The following GATA5 variants were observed in gnomAD, a reference collection of about 807,000 sequenced individuals.
The protein encoded by GATA5 is GATA binding protein 5.
Under a neutral mutation model 35.0 loss-of-function variants are expected in GATA5, and 27 were observed. The observed-to-expected ratio is 0.77, with a 90% CI of 0.57 to 1.06. The LOEUF (loss-of-function observed/expected upper bound fraction) is 1.06. Among genes scored for constraint, GATA5 ranks in the 50% least tolerant of loss-of-function variants. The probability of loss-of-function intolerance (pLI) is 0.00; values close to 1 mark genes in which losing one functional copy is unlikely to be tolerated. For missense variants in GATA5, 612 were observed against 580.0 expected, an observed-to-expected ratio of 1.06 and a Z score of -0.57; for synonymous variants, 306 against 267.8, an observed-to-expected ratio of 1.14 and a Z score of -1.39.
intron 2 of GATA5, among the ~76,000 whole-genome samples, chr20:62,474,513 T>C (rs1414681774): frequency 6.6e-5 from 10 of 151,984 alleles, no homozygotes; most frequent in Non-Finnish European, 1.0e-4. Flanking sequence ...CGCCAGAAAG[T>C]GACTACGCTG....
rs782240636 is a variant in GATA5, at chr20:62,475,105, G to T, written c.417C>A (p.Ser139=). 3.6e-6 allele frequency: 5 copies of T among 1,395,786 alleles called. No homozygotes were observed. Among genetic ancestry groups the T allele is most frequent in the Non-Finnish European group, 4.7e-6 (5 of 1,071,762 alleles). 86.5% of individuals were successfully genotyped at this position (1,395,786 alleles called of 1,614,324 possible). Residue 139 remains serine (S), a synonymous_variant, in exon 2 of 7, where the codon TCC becomes TCA. Transcript: ENST00000252997. ...PLGRPVGTSY[S]ATYPAYVSPD... ...GGCTCACGTAGGCCGGGTAGGTGGC[G>T]GAGTACGAGGTCCCCACCGGCCGCC...
At chr20:62,466,344 C>T (rs782629523) in intron 4 of GATA5, 82 bp downstream of exon 4, 20 of 1,437,904 alleles carry the variant, frequency 1.4e-5, no homozygotes, top group African/African-American at 4.2e-5. Flanking sequence ...TCCTCCCCAG[C>T]CTCTTGGTCT....
chr20:62,473,629 T>G, intron 2 of GATA5, 51 bp from the exon 3 acceptor site: 33 of 1,503,556 alleles, frequency 2.2e-5, no homozygotes, highest in Non-Finnish European at 2.8e-5. Flanking sequence ...CCCAGGATCC[T>G]CCCCAGCTCA....
At position 62,465,826 on chromosome 20, in the gene GATA5, C is replaced by A; in HGVS notation, c.913+8G>T. ...GAGCGGGGCTGACTGCAGGGCCTGGCCACGCACCTGAGGAGCCCCTGGCCT... is the reference window on the plus strand; with the variant it reads ...GAGCGGGGCTGACTGCAGGGCCTGGACACGCACCTGAGGAGCCCCTGGCCT... On this transcript the variant is annotated splice_region_variant and intron_variant, in intron 5 of 6. Coordinates refer to ENST00000252997, the MANE Select transcript of GATA5 (RefSeq NM_080473.5). 1 of 1,574,084 alleles carries A rather than the reference C, an allele frequency of 6.4e-7. No individual in the cohort carries two copies. The highest frequency in any genetic ancestry group is 1.2e-5 in the South Asian group (1 of 85,976).
chr20:62,473,427 C>G lies in GATA5; in HGVS notation c.675G>C (p.Pro225=), dbSNP rs144082730. 3 of 1,609,340 alleles carry G rather than the reference C, an allele frequency of 1.9e-6. No homozygotes were observed. The Admixed American group carries it at 5.0e-5, about 27-fold the overall frequency. The change falls in exon 3 of 7, where the codon CCG becomes CCC. Residue 225 remains proline, a synonymous_variant. Transcript: ENST00000252997. ...LYHKMNGVNR[P]LVRPQKRLSS... is the part of the protein sequence containing the mutation. ...CCAGGCGCTTCTGAGGCCGAACGAG[C>G]GGCCGGTTGACGCCATTCATCTTGT...
At chr20:62,465,138 C>T in intron 6 of GATA5, 147 bp from the exon 7 acceptor site, 2 of 894,086 alleles carry the variant, frequency 2.2e-6, no homozygotes, top group Non-Finnish European at 1.7e-6. Context: ...ATGGGGGACC[C>T]CACGTGAGGC....
intron 2 of GATA5, among the ~76,000 whole-genome samples, chr20:62,473,880 C>T (rs1476085055): frequency 1.3e-5 from 2 of 152,200 alleles, no homozygotes; most frequent in African/African-American, 4.8e-5. Context: ...GGACCGGGGG[C>T]CAGCACTGGC....
Position 62,465,874 on chromosome 20 carries a change from C to T in GATA5, c.873G>A (p.Lys291=), listed in dbSNP as rs1555896030. The change falls in exon 5 of 7, where the codon AAG becomes AAA. Residue 291 remains lysine (K), a synonymous_variant. Coordinates refer to ENST00000252997, the MANE Select transcript of GATA5 (RefSeq NM_080473.5). The stretch of plus-strand genomic sequence containing the variant: ...CCTTGGCGATGGTCTTTGGCTTCCG[C>T]TTCCGTGTCTGGATGCTTTCCTTCT... ...AMKKESIQTR[K]RKPKTIAKAR... 3 of 1,598,514 alleles carry T rather than the reference C, an allele frequency of 1.9e-6. No homozygotes were observed. The highest frequency in any genetic ancestry group is 2.3e-5 in the South Asian group (2 of 88,140).
rs142326105 is a variant in GATA5, at chr20:62,473,235, G to A, written c.699+168C>T. Among the ~76,000 whole-genome samples the A allele has an allele frequency of 6.1e-3, 930 of 152,364 alleles. 2 individuals are homozygous for A. The highest frequency in any genetic ancestry group is 0.01 in the Middle Eastern group (3 of 294). On this transcript the variant is annotated intron_variant, in intron 3 of 6. Transcript: ENST00000252997. Reference sequence around the variant, plus strand: ...CTGCCCTGCCCTGAGCGCTCTCAAAGAAGACCTGAGCCGGCCTGACCTGAC... The same window carrying A: ...CTGCCCTGCCCTGAGCGCTCTCAAAAAAGACCTGAGCCGGCCTGACCTGAC...
chr20:62,468,882 A>G (rs1555896322), intron 3 of GATA5, among the ~76,000 whole-genome samples: 1 of 152,236 alleles, frequency 6.6e-6, no homozygotes, highest in African/African-American at 2.4e-5. Flanking sequence ...CCCTTCGTGC[A>G]GGAGCAATTG....
In GATA5 at chr20:62,475,246, G is replaced by A. The variant is rs1555897012; in HGVS notation, c.276C>T (p.Ala92=). The A allele has an allele frequency of 2.3e-5, 29 of 1,247,232 alleles. No individual in the cohort carries two copies. Among genetic ancestry groups the A allele is most frequent in the Admixed American group, 1.3e-4 (3 of 23,698 alleles). The allele number at this position is 1,247,232 out of a possible 1,614,324, so 77.3% of individuals were successfully genotyped here. A position where few individuals can be genotyped will look rare whatever the true frequency, so the allele number is the denominator to read the frequency against. The change falls in exon 2 of 7, where the codon GCC becomes GCT. Residue 92 remains alanine, a synonymous_variant. Coordinates refer to ENST00000252997, the MANE Select transcript of GATA5 (RefSeq NM_080473.5). ...PPAAHPPGAT[A]FPFAHSPSGP... is the part of the protein sequence containing the mutation. ...CCGAGGGGCTGTGCGCGAAAGGGAA[G>A]GCGGTGGCCCCGGGCGGGTGCGCGG... is the stretch of plus-strand genomic sequence containing the variant.
At chr20:62,473,612 T>C in intron 2 of GATA5, 34 bp from the exon 3 acceptor site, 1 of 1,551,830 alleles carries the variant, frequency 6.4e-7, no homozygotes, top group South Asian at 1.2e-5. Flanking sequence ...GCCCGGGCCC[T>C]CCCCTCCCCA....
In GATA5 at chr20:62,475,035, C is replaced by G; in HGVS notation, c.487G>C (p.Val163Leu). The G allele has an allele frequency of 7.2e-7, 1 of 1,398,050 alleles. No individual in the cohort carries two copies. The highest frequency in any genetic ancestry group is 9.3e-7 in the Non-Finnish European group (1 of 1,070,700). 86.6% of individuals were successfully genotyped at this position (1,398,050 alleles called of 1,614,324 possible). A position where few individuals can be genotyped will look rare whatever the true frequency, so the allele number is the denominator to read the frequency against. The change falls in exon 2 of 7, where the codon GTC (valine) becomes CTC (leucine). Residue 163 changes from valine to leucine, a missense_variant. Transcript: ENST00000252997. ...SWTAGPFDGSVLHGLPGRRPT... is the reference protein window; with the variant it reads ...SWTAGPFDGSLLHGLPGRRPT... Reference sequence around the variant, plus strand: ...CTGCGGCCTGGGAGGCCGTGCAGGACGCTGCCATCGAAGGGCCCGGCAGTC... The same window carrying G: ...CTGCGGCCTGGGAGGCCGTGCAGGAGGCTGCCATCGAAGGGCCCGGCAGTC...
In GATA5 at chr20:62,470,052, C is replaced by T. The variant is rs1304637882; in HGVS notation, c.699+3351G>A. ...CCAGGCCTCTCTCCCGGCTGCATTT[C>T]GTTTTTCTTTTTTGTCGGTTCTTTT... On this transcript the variant is annotated intron_variant, in intron 3 of 6. Coordinates refer to ENST00000252997, the MANE Select transcript of GATA5 (RefSeq NM_080473.5). This position sits in a 1 kb window ranked among gnomAD's most constrained non-coding sequence, Gnocchi z 4.6. Among the ~76,000 whole-genome samples the T allele has an allele frequency of 6.6e-6, 1 of 152,262 alleles. No homozygotes were observed. The highest frequency in any genetic ancestry group is 2.4e-5 in the African/African-American group (1 of 41,466).
At position 62,464,875 on chromosome 20, in the gene GATA5, A is replaced by AG; in HGVS notation, c.1154dup (p.Leu386SerfsTer31). ...GCGCACACCAGGCCTCTTGGCGCAG[A>AG]GCCCCCCTGAGGCCAGCCTGGGGGC... On this transcript the variant is annotated frameshift_variant, in exon 7 of 7. Coordinates refer to ENST00000252997, the MANE Select transcript of GATA5 (RefSeq NM_080473.5). LOFTEE classifies it high-confidence loss of function. 2.5e-6 allele frequency: 4 copies of AG among 1,609,530 alleles called. No individual in the cohort carries two copies. Among genetic ancestry groups the AG allele is most frequent in the Non-Finnish European group, 3.4e-6 (4 of 1,178,162 alleles).
chr20:62,469,130 C>G (rs1555896341), intron 3 of GATA5, among the ~76,000 whole-genome samples: 1 of 152,222 alleles, frequency 6.6e-6, no homozygotes, highest in Non-Finnish European at 1.5e-5. Context: ...CGTCTGTCTT[C>G]CTGAAGTGGA....
chr20:62,475,362 G>A lies in GATA5; in HGVS notation c.160C>T (p.Gln54Ter). 7.9e-7 allele frequency: 1 copy of A among 1,265,620 alleles called. No individual in the cohort carries two copies. Among genetic ancestry groups the A allele is most frequent in the Non-Finnish European group, 1.0e-6 (1 of 1,004,812 alleles). 78.4% of individuals were successfully genotyped at this position (1,265,620 alleles called of 1,614,324 possible). Residue 54 changes from glutamine to a stop codon, truncating the protein, a stop_gained, in exon 2 of 7, where the codon CAG becomes TAG. Transcript: ENST00000252997. LOFTEE classifies it high-confidence loss of function. ...SYLSGCEPSP[Q>*]PPELAARPGW... ...GGGCGCGCAGCGAGCTCGGGGGGCT[G>A]CGGGCTCGGCTCACACCCGGACAGG...
In GATA5 at chr20:62,475,029, G is replaced by T; in HGVS notation, c.493C>A (p.His165Asn). The change falls in exon 2 of 7, where the codon CAC becomes AAC. Residue 165 changes from histidine (H) to asparagine (N), a missense_variant. By Grantham distance (68) the His-to-Asn change is moderately conservative. Coordinates refer to ENST00000252997, the MANE Select transcript of GATA5 (RefSeq NM_080473.5). Reference sequence around the variant, plus strand: ...GTGGGCCTGCGGCCTGGGAGGCCGTGCAGGACGCTGCCATCGAAGGGCCCG... The same window carrying T: ...GTGGGCCTGCGGCCTGGGAGGCCGTTCAGGACGCTGCCATCGAAGGGCCCG... ...TAGPFDGSVLHGLPGRRPTFV... is the reference protein window; with the variant it reads ...TAGPFDGSVLNGLPGRRPTFV... 1 of 1,392,602 alleles carries T rather than the reference G, an allele frequency of 7.2e-7. No individual in the cohort carries two copies. 86.3% of individuals were successfully genotyped at this position (1,392,602 alleles called of 1,614,324 possible).
intron 3 of GATA5, among the ~76,000 whole-genome samples, chr20:62,469,860 G>C (rs997900966): frequency 6.6e-6 from 1 of 152,184 alleles, no homozygotes; most frequent in Non-Finnish European, 1.5e-5. Flanking sequence ...GGGGAGGCCC[G>C]GGGTGGACAG....
Sources: gnomAD v4.1 joint callset for allele counts (sites outside exome capture counted in the v4.1 genomes callset) on GRCh38, gnomAD v4.1.1 for gene constraint, Gnocchi (gnomAD v3.1) non-coding constraint, MANE v1.5 for transcripts, NCBI Gene and HGNC (gene_info 2026-07-23, HGNC 2026-07-21) for gene names.